The following CSNK2A1 variants were observed in gnomAD, a reference collection of about 807,000 sequenced individuals.
The protein encoded by CSNK2A1 is casein kinase II subunit alpha.
A neutral mutation model predicts 62.9 loss-of-function variants in CSNK2A1; 10 were observed. The ratio of observed to expected loss-of-function variants is 0.16; its 90% CI spans 0.10 to 0.27. CSNK2A1 has a LOEUF of 0.27. CSNK2A1 is among the 10% of genes least tolerant of loss of function. The pLI, the probability that CSNK2A1 is intolerant of heterozygous loss-of-function variation, is 1.00. For missense variants in CSNK2A1, 160 were observed against 492.0 expected, an observed-to-expected ratio of 0.33 and a Z score of 6.38; for synonymous variants, 124 against 167.8, an observed-to-expected ratio of 0.74 and a Z score of 2.02.
chr20:490,788 C>T (rs1304236375), intron 9 of CSNK2A1, among the ~76,000 whole-genome samples: 5 of 150,066 alleles, frequency 3.3e-5, no homozygotes, highest in Admixed American at 2.0e-4. Flanking sequence ...TCACTGCAGC[C>T]TCCAACTCCT....
intron 7 of CSNK2A1, 71 bp from the exon 8 acceptor site, chr20:495,873 G>T: frequency 7.2e-7 from 1 of 1,390,454 alleles, no homozygotes; most frequent in Non-Finnish European, 1.0e-6. Flanking sequence ...TTCCCTCCAT[G>T]TAAATTTTCC....
chr20:536,211 G>GTCAA (rs2019320482), intron 1 of CSNK2A1, among the ~76,000 whole-genome samples: 1 of 152,060 alleles, frequency 6.6e-6, no homozygotes, highest in Non-Finnish European at 1.5e-5. Context: ...TAGAAACAAG[G>GTCAA]AAGTACAGGT....
intron 2 of CSNK2A1, among the ~76,000 whole-genome samples, chr20:525,501 A>C (rs1185717388): frequency 6.6e-6 from 1 of 151,754 alleles, no homozygotes; most frequent in African/African-American, 2.4e-5. Flanking sequence ...AAATACAAAA[A>C]TTAGCTGGGC....
At chr20:528,464 T>TG (rs775087038) in intron 1 of CSNK2A1, among the ~76,000 whole-genome samples, 123 of 152,302 alleles carry the variant, frequency 8.1e-4, no homozygotes, top group African/African-American at 2.8e-3. Flanking sequence ...TGTAACAGGG[T>TG]CTTGCTCTGT....
chr20:539,821 G>A (rs1451423676), intron 1 of CSNK2A1: 1 of 152,158 alleles, frequency 6.6e-6, no homozygotes, highest in African/African-American at 2.4e-5. Flanking sequence ...GTGTGGATGA[G>A]GTTCTGGGGA....
rs1315423487 is a variant in CSNK2A1, at chr20:475,476, A to C, written c.*8485T>G. ...ACTCTGACTCAAAAAAAAAAAAAAA[A>C]AGTTGGTGTAATCCTTTCCACACAC... On this transcript the variant is annotated 3_prime_UTR_variant, in exon 14 of 14. Transcript: ENST00000217244. The C allele has an allele frequency of 1.3e-5, 2 of 151,590 alleles. No individual in the cohort carries two copies. The highest frequency in any genetic ancestry group is 2.4e-5 in the African/African-American group (1 of 41,214). 9.4% of individuals were successfully genotyped at this position (151,590 alleles called of 1,614,324 possible).
Position 503,583 on chromosome 20 carries a change from G to A in CSNK2A1, c.213+1535C>T, listed in dbSNP as rs1369366728. Reference sequence around the variant, plus strand: ...CACTGCCAGCTTGAGGTGGTTCGTAGTTTCAACATTAGATTGTGTTACACT... The same window carrying A: ...CACTGCCAGCTTGAGGTGGTTCGTAATTTCAACATTAGATTGTGTTACACT... On this transcript the variant is annotated intron_variant, in intron 4 of 13. Coordinates refer to ENST00000217244, the MANE Select transcript of CSNK2A1 (RefSeq NM_177559.3). 1.8e-5 allele frequency: 7 copies of A among 398,566 alleles called. No individual in the cohort carries two copies. In the South Asian group the frequency reaches 8.9e-4, roughly 51 times the overall value. 24.7% of individuals were successfully genotyped at this position (398,566 alleles called of 1,614,324 possible).
chr20:484,989 C>T (rs1427267582), intron 13 of CSNK2A1, among the ~76,000 whole-genome samples: 1 of 137,022 alleles, frequency 7.3e-6, no homozygotes, highest in East Asian at 2.4e-4. Context: ...ATCGCTTGAA[C>T]CCGGGAGGCG....
Position 479,098 on chromosome 20 carries a change from T to C in CSNK2A1, c.*4863A>G, listed in dbSNP as rs1386033784. ...ACTTGTACCCGTTGAAAACCTGTCA[T>C]GTTTAATGCTTGGATATTTTTTCTT... On this transcript the variant is annotated 3_prime_UTR_variant, in exon 14 of 14. Coordinates refer to ENST00000217244, the MANE Select transcript of CSNK2A1 (RefSeq NM_177559.3). 3.3e-5 allele frequency: 5 copies of C among 152,598 alleles called. No homozygotes were observed. Among genetic ancestry groups the C allele is most frequent in the East Asian group, 3.9e-4 (2 of 5,186 alleles). The allele number at this position is 152,598 out of a possible 1,614,324, so 9.5% of individuals were successfully genotyped here.
chr20:490,129 T>C (rs1356962636), intron 9 of CSNK2A1, among the ~76,000 whole-genome samples: 2 of 150,918 alleles, frequency 1.3e-5, no homozygotes, highest in African/African-American at 4.9e-5. Context: ...CCTCCCGGGT[T>C]CAAGCAATTC....
intron 4 of CSNK2A1, 144 bp downstream of exon 4, chr20:504,974 T>C: frequency 1.5e-6 from 1 of 661,794 alleles, no homozygotes; most frequent in South Asian, 2.2e-5. Flanking sequence ...CAGAACTTGT[T>C]CTATTGAGTT....
At chr20:531,270 G>C (rs2019207263) in intron 1 of CSNK2A1, among the ~76,000 whole-genome samples, 1 of 152,104 alleles carries the variant, frequency 6.6e-6, no homozygotes, top group Admixed American at 6.5e-5. Context: ...TTCCTGCACT[G>C]ACAAAAACCT....
At chr20:507,600 A>C (rs2018631646) in intron 3 of CSNK2A1, 1 of 152,254 alleles carries the variant, frequency 6.6e-6, no homozygotes, top group African/African-American at 2.4e-5. Flanking sequence ...ATTTGGGCTG[A>C]ATTCCATGCT....
intron 9 of CSNK2A1, among the ~76,000 whole-genome samples, chr20:491,847 C>T (rs534421582): frequency 9.2e-5 from 14 of 152,132 alleles, no homozygotes; most frequent in Non-Finnish European, 1.8e-4. Context: ...AGGTGTGAAC[C>T]TGGGAGGCGG....
At position 474,679 on chromosome 20, in the gene CSNK2A1, G is replaced by C. The variant is rs953132228; in HGVS notation, c.*9282C>G. Reference sequence around the variant, plus strand: ...CATTAGTTCCCCTTATAAATGATGAGAGTTTAGAGCTTAGACCGCTTGTCC... The same window carrying C: ...CATTAGTTCCCCTTATAAATGATGACAGTTTAGAGCTTAGACCGCTTGTCC... On this transcript the variant is annotated 3_prime_UTR_variant, in exon 14 of 14. Transcript: ENST00000217244. The C allele has an allele frequency of 7.2e-5, 11 of 152,120 alleles. No homozygotes were observed. Among genetic ancestry groups the C allele is most frequent in the African/African-American group, 2.7e-4 (11 of 41,416 alleles). 9.4% of individuals were successfully genotyped at this position (152,120 alleles called of 1,614,324 possible). A position where few individuals can be genotyped will look rare whatever the true frequency, so the allele number is the denominator to read the frequency against.
chr20:508,419 G>T, intron 3 of CSNK2A1, 32 bp downstream of exon 3: 2 of 1,609,440 alleles, frequency 1.2e-6, no homozygotes, highest in South Asian at 1.1e-5. Context: ...AGCCCTTTGA[G>T]TGAGTATAAT....
intron 1 of CSNK2A1, among the ~76,000 whole-genome samples, chr20:535,966 A>T (rs930157170): frequency 6.6e-6 from 1 of 152,190 alleles, no homozygotes; most frequent in Admixed American, 6.6e-5. Flanking sequence ...AACCACTGGG[A>T]GTAAGACCTC....
Position 481,718 on chromosome 20 carries a change from A to G in CSNK2A1, c.*2243T>C, listed in dbSNP as rs1292212183. 6.6e-6 allele frequency: 1 copy of G among 152,146 alleles called. No individual in the cohort carries two copies. Among genetic ancestry groups the G allele is most frequent in the Non-Finnish European group, 1.5e-5 (1 of 68,030 alleles). 9.4% of individuals were successfully genotyped at this position (152,146 alleles called of 1,614,324 possible). On this transcript the variant is annotated 3_prime_UTR_variant, in exon 14 of 14. Coordinates refer to ENST00000217244, the MANE Select transcript of CSNK2A1 (RefSeq NM_177559.3). ...TAAGCTACACCTCAATTTCCGAGCT[A>G]CAAGGATAGGGTATGAAGTCTTGAT...
rs1483195400 is a variant in CSNK2A1 at position 499,456 on chromosome 20, T to C, written c.316-151A>G. Reference sequence around the variant, plus strand: ...CTATTGCTACAAGCCCTCCCCGCTCTGATCATCACCGCACTTAGGTCATTT... The same window carrying C: ...CTATTGCTACAAGCCCTCCCCGCTCCGATCATCACCGCACTTAGGTCATTT... On this transcript the variant is annotated intron_variant, in intron 5 of 13. Transcript: ENST00000217244. The surrounding 1 kb of genome is among the most constrained non-coding windows in gnomAD (Gnocchi z 4.2). 3.2e-6 allele frequency: 2 copies of C among 620,880 alleles called. No homozygotes were observed. Among genetic ancestry groups the C allele is most frequent in the Non-Finnish European group, 5.4e-6 (2 of 370,356 alleles). The allele number at this position is 620,880 out of a possible 1,614,324, so 38.5% of individuals were successfully genotyped here. A position where few individuals can be genotyped will look rare whatever the true frequency, so the allele number is the denominator to read the frequency against.
Sources: gnomAD v4.1 joint callset for allele counts (sites outside exome capture counted in the v4.1 genomes callset) on GRCh38, gnomAD v4.1.1 for gene constraint, Gnocchi (gnomAD v3.1) non-coding constraint, MANE v1.5 for transcripts, NCBI Gene and HGNC (gene_info 2026-07-23, HGNC 2026-07-21) for gene names.